Variants in PDE5A observed in about 807,000 individuals in gnomAD.
PDE5A encodes the protein phosphodiesterase 5A.
In PDE5A, 67 loss-of-function variants were observed where a neutral mutation model predicts 110.2. The observed-to-expected ratio is 0.61, with a 90% CI of 0.50 to 0.75. The LOEUF is 0.75. Ranked by LOEUF, PDE5A falls within the 30% of genes least tolerant of loss-of-function variation. The pLI, the probability that PDE5A is intolerant of heterozygous loss-of-function variation, is 0.00. For missense variants in PDE5A, 862 were observed against 1,045.1 expected (o/e 0.82, Z 2.42); for synonymous variants, 328 against 351.2 (o/e 0.93, Z 0.74).
chr4:119,605,663 T>G (rs1336353954), intron 2 of PDE5A, among the ~76,000 whole-genome samples: 2 of 151,958 alleles, frequency 1.3e-5, no homozygotes, highest in Non-Finnish European at 2.9e-5. Flanking sequence ...AAAAAGAAAT[T>G]TTCTCTATCT....
In PDE5A at chr4:119,525,014, G is replaced by T. The variant is rs1211746751; in HGVS notation, c.1779+535C>A. Among the ~76,000 whole-genome samples the T allele has an allele frequency of 6.6e-6, 1 of 151,876 alleles. No individual in the cohort carries two copies. Among genetic ancestry groups the T allele is most frequent in the African/African-American group, 2.4e-5 (1 of 41,328 alleles). On this transcript the variant is annotated intron_variant, in intron 12 of 20. Coordinates refer to ENST00000354960, the MANE Select transcript of PDE5A (RefSeq NM_001083.4). This position sits in a 1 kb window ranked among gnomAD's most constrained non-coding sequence, Gnocchi z 4.3. The stretch of plus-strand genomic sequence containing the variant: ...AACTAAAAGCTTGGCCTCCCATCAG[G>T]CCCCTTTATTTCCTCCTTCATTTTC...
At chr4:119,533,348 A>G (rs1259090246) in intron 11 of PDE5A, among the ~76,000 whole-genome samples, 3 of 152,146 alleles carry the variant, frequency 2.0e-5, no homozygotes, top group Admixed American at 6.5e-5. Flanking sequence ...GAATAAAGCC[A>G]CCTTGACAGC....
chr4:119,565,914 T>G (rs1255569436), intron 4 of PDE5A, among the ~76,000 whole-genome samples: 2 of 149,830 alleles, frequency 1.3e-5, no homozygotes, highest in African/African-American at 4.9e-5. Flanking sequence ...GGGTAATGTG[T>G]TTCTAATTAT....
intron 2 of PDE5A, among the ~76,000 whole-genome samples, chr4:119,603,633 A>G (rs1171559556): frequency 6.6e-6 from 1 of 152,036 alleles, no homozygotes; most frequent in South Asian, 2.1e-4. Flanking sequence ...TTTCAAATTT[A>G]TATCAGTTTA....
chr4:119,627,248 C>T lies in PDE5A; in HGVS notation c.152+1272G>A. The T allele has an allele frequency of 1.9e-6, 3 of 1,604,046 alleles. No individual in the cohort carries two copies. The highest frequency in any genetic ancestry group is 1.1e-5 in the South Asian group (1 of 89,908). On this transcript the variant is annotated intron_variant, in intron 1 of 20. Coordinates refer to ENST00000354960, the MANE Select transcript of PDE5A (RefSeq NM_001083.4). The surrounding 1 kb of genome is among the most constrained non-coding windows in gnomAD (Gnocchi z 4.6). Reference sequence around the variant, plus strand: ...AGGAGGCTCCGTAGGGGCAACAACGCGCGCAGGTGAGGTGAGGTGAGGTCG... The same window carrying T: ...AGGAGGCTCCGTAGGGGCAACAACGTGCGCAGGTGAGGTGAGGTGAGGTCG...
chr4:119,504,520 T>C lies in PDE5A; in HGVS notation c.2331+16A>G, dbSNP rs201213271. On this transcript the variant is annotated intron_variant, in intron 18 of 20. Coordinates refer to ENST00000354960, the MANE Select transcript of PDE5A (RefSeq NM_001083.4). Reference sequence around the variant, plus strand: ...TTTGACTTTTTAATTATTGTTATTGTCACTAAGTAACATACCCGTTGTTGA... The same window carrying C: ...TTTGACTTTTTAATTATTGTTATTGCCACTAAGTAACATACCCGTTGTTGA... The C allele has an allele frequency of 6.4e-5, 102 of 1,596,406 alleles. No individual in the cohort carries two copies. Among genetic ancestry groups the C allele is most frequent in the Non-Finnish European group, 7.7e-5 (90 of 1,165,710 alleles).
intron 7 of PDE5A, among the ~76,000 whole-genome samples, chr4:119,558,686 T>C (rs1349662496): frequency 6.6e-6 from 1 of 152,188 alleles, no homozygotes; most frequent in Non-Finnish European, 1.5e-5. Flanking sequence ...AGAGGCCTTT[T>C]ACTGTATCAC....
intron 1 of PDE5A, among the ~76,000 whole-genome samples, chr4:119,609,300 A>G (rs996789889): frequency 6.6e-6 from 1 of 152,252 alleles, no homozygotes; most frequent in Non-Finnish European, 1.5e-5. Flanking sequence ...GCTACAGCAG[A>G]TAAGAAGCAA....
rs1214405618 is a variant in PDE5A at position 119,606,650 on chromosome 4, C to T, written c.741+59G>A. 1.5e-5 allele frequency: 18 copies of T among 1,237,296 alleles called. No individual in the cohort carries two copies. The South Asian group carries it at 1.8e-4, about 13-fold the overall frequency. The allele number at this position is 1,237,296 out of a possible 1,614,324, so 76.6% of individuals were successfully genotyped here. On this transcript the variant is annotated intron_variant, in intron 2 of 20. Transcript: ENST00000354960. Reference sequence around the variant, plus strand: ...CTATCCAATGCCCCAGCCATAGTACCCGCCCCAGCCATAGTCCCCTCCCCA... The same window carrying T: ...CTATCCAATGCCCCAGCCATAGTACTCGCCCCAGCCATAGTCCCCTCCCCA...
At chr4:119,527,357 A>G (rs970050868) in intron 11 of PDE5A, 2 of 152,104 alleles carry the variant, frequency 1.3e-5, no homozygotes, top group African/African-American at 2.4e-5. Flanking sequence ...ATTTTCCATA[A>G]GAGCCTTGTG....
At chr4:119,593,405 G>A (rs180813274) in intron 3 of PDE5A, among the ~76,000 whole-genome samples, 2 of 152,222 alleles carry the variant, frequency 1.3e-5, no homozygotes, top group East Asian at 3.9e-4. Context: ...GCAATAAAAA[G>A]GTACAAACTA....
At chr4:119,614,392 A>G (rs1729863400) in intron 1 of PDE5A, among the ~76,000 whole-genome samples, 1 of 152,210 alleles carries the variant, frequency 6.6e-6, no homozygotes, top group African/African-American at 2.4e-5. Context: ...GAAATTCAAG[A>G]TGAACTGGCT....
chr4:119,552,726 G>A, intron 8 of PDE5A, 89 bp from the exon 9 acceptor site: 1 of 637,544 alleles, frequency 1.6e-6, no homozygotes, highest in Non-Finnish European at 2.6e-6. Flanking sequence ...TGACACATTT[G>A]AAAGCACTAT....
At chr4:119,596,501 A>C in intron 3 of PDE5A, 22 bp downstream of exon 3, 1 of 1,380,594 alleles carries the variant, frequency 7.2e-7, no homozygotes, top group Non-Finnish European at 1.0e-6. Context: ...ATGACCTTTT[A>C]TAAAATGGAA....
At chr4:119,558,773 C>T (rs1321151542) in intron 7 of PDE5A, among the ~76,000 whole-genome samples, 2 of 151,672 alleles carry the variant, frequency 1.3e-5, no homozygotes, top group Admixed American at 6.6e-5. Flanking sequence ...AAAAATTAGC[C>T]GGGCGTAGTG....
chr4:119,594,028 C>G (rs1363972777), intron 3 of PDE5A, among the ~76,000 whole-genome samples: 1 of 152,140 alleles, frequency 6.6e-6, no homozygotes, highest in Non-Finnish European at 1.5e-5. Context: ...CCTGGTCCCG[C>G]CCTTGATACG....
Position 119,560,286 on chromosome 4 carries a change from G to A in PDE5A, c.1199+10C>T, listed in dbSNP as rs200776041. 15 of 1,505,490 alleles carry A rather than the reference G, an allele frequency of 1.0e-5. No individual in the cohort carries two copies. Among genetic ancestry groups the A allele is most frequent in the Admixed American group, 5.4e-5 (3 of 55,424 alleles). The allele number at this position is 1,505,490 out of a possible 1,614,324, so 93.3% of individuals were successfully genotyped here. A position where few individuals can be genotyped will look rare whatever the true frequency, so the allele number is the denominator to read the frequency against. On this transcript the variant is annotated intron_variant, in intron 7 of 20. Transcript: ENST00000354960. ...TGTGATAAAGACAAGTAGAGAATACGTGCTTTTACCTTGTTAATGTATCAG... is the reference window on the plus strand; with the variant it reads ...TGTGATAAAGACAAGTAGAGAATACATGCTTTTACCTTGTTAATGTATCAG...
At chr4:119,551,591 C>CTGTT (rs1727357975) in intron 9 of PDE5A, among the ~76,000 whole-genome samples, 1 of 152,224 alleles carries the variant, frequency 6.6e-6, no homozygotes, top group Admixed American at 6.5e-5. Context: ...TCGATGCACA[C>CTGTT]TGATACAACT....
At chr4:119,610,233 C>T (rs1057278056) in intron 1 of PDE5A, among the ~76,000 whole-genome samples, 1 of 152,082 alleles carries the variant, frequency 6.6e-6, no homozygotes. Context: ...TATGTAGCCC[C>T]CAGAATTGCA....
Sources: allele counts gnomAD v4.1 joint callset (sites outside exome capture counted in the v4.1 genomes callset), GRCh38; gene constraint gnomAD v4.1.1; non-coding constraint Gnocchi (gnomAD v3.1); transcripts MANE v1.5; gene names NCBI Gene and HGNC (gene_info 2026-07-23, HGNC 2026-07-21).